Variants in ITPRID2 observed in about 807,000 individuals in gnomAD.
The protein encoded by ITPRID2 is ITPR interacting domain containing 2.
Under a neutral mutation model 124.3 loss-of-function variants are expected in ITPRID2, and 60 were observed. The observed-to-expected ratio is 0.48, with a 90% CI of 0.39 to 0.60. ITPRID2 has a LOEUF of 0.60. Ranked by LOEUF, ITPRID2 falls within the 20% of genes least tolerant of loss-of-function variation. The pLI is 0.00. For missense variants in ITPRID2, 1,553 were observed against 1,512.2 expected (o/e 1.03, Z -0.45); for synonymous variants, 521 against 542.9 (o/e 0.96, Z 0.56).
chr2:181,923,560 A>G (rs1244955704), intron 16 of ITPRID2, among the ~76,000 whole-genome samples: 3 of 152,194 alleles, frequency 2.0e-5, no homozygotes, highest in East Asian at 1.9e-4. Flanking sequence ...AGGTGTGTCT[A>G]TGATTAATAA....
chr2:181,914,027 A>G (rs1010139769), intron 10 of ITPRID2, 94 bp downstream of exon 10: 8 of 763,668 alleles, frequency 1.0e-5, no homozygotes, highest in Non-Finnish European at 1.6e-5. Context: ...AGTCTGTATA[A>G]TCTTTATTTT....
chr2:181,913,957 C>T, intron 10 of ITPRID2, 24 bp downstream of exon 10: 1 of 1,505,672 alleles, frequency 6.6e-7, no homozygotes, highest in South Asian at 1.1e-5. Flanking sequence ...TTCTAATAGG[C>T]ACTATGATTA....
intron 4 of ITPRID2, among the ~76,000 whole-genome samples, chr2:181,897,493 A>G (rs999431244): frequency 1.3e-5 from 2 of 152,016 alleles, no homozygotes; most frequent in Admixed American, 1.3e-4. Context: ...TCCAGAAAGC[A>G]TTAGATTTTA....
chr2:181,911,196 A>G (rs184531908), intron 9 of ITPRID2, among the ~76,000 whole-genome samples: 1 of 152,308 alleles, frequency 6.6e-6, no homozygotes, highest in Non-Finnish European at 1.5e-5. Context: ...AGAGAACAAC[A>G]TAGTTTTCAT....
chr2:181,918,422 C>T (rs1694240450), intron 11 of ITPRID2, 176 bp from the exon 12 acceptor site: 1 of 1,437,300 alleles, frequency 7.0e-7, no homozygotes, highest in East Asian at 2.5e-5. Flanking sequence ...GCTAGCAGTA[C>T]TAGGTGTCAT....
At chr2:181,912,599 T>C (rs1040049585) in intron 9 of ITPRID2, among the ~76,000 whole-genome samples, 3 of 152,244 alleles carry the variant, frequency 2.0e-5, no homozygotes, top group Non-Finnish European at 2.9e-5. Flanking sequence ...AATTATATTA[T>C]CTGGCTCTTT....
Position 181,892,331 on chromosome 2 carries a change from C to T in ITPRID2, c.211+54C>T. On this transcript the variant is annotated intron_variant, in intron 1 of 17. Coordinates refer to ENST00000431877, the MANE Select transcript of ITPRID2 (RefSeq NM_001130445.3). This position sits in a 1 kb window ranked among gnomAD's most constrained non-coding sequence, Gnocchi z 5.2. ...GAGGCTGGTGGGCTGGGGAGAGTCTCGTGCGCCCTGGGCGCCTGCCACGAG... is the reference window on the plus strand; with the variant it reads ...GAGGCTGGTGGGCTGGGGAGAGTCTTGTGCGCCCTGGGCGCCTGCCACGAG... The T allele has an allele frequency of 2.7e-6, 4 of 1,486,116 alleles. No homozygotes were observed. The highest frequency in any genetic ancestry group is 2.7e-6 in the Non-Finnish European group (3 of 1,115,248). 92.1% of individuals were successfully genotyped at this position (1,486,116 alleles called of 1,614,324 possible).
intron 4 of ITPRID2, among the ~76,000 whole-genome samples, chr2:181,897,213 A>C (rs1451195866): frequency 6.6e-6 from 1 of 152,014 alleles, no homozygotes; most frequent in African/African-American, 2.4e-5. Flanking sequence ...TTAAAGGAAC[A>C]GTTTGTAACA....
At chr2:181,906,751 TAA>T (rs879772461) in intron 8 of ITPRID2, among the ~76,000 whole-genome samples, 2 of 135,212 alleles carry the variant, frequency 1.5e-5, no homozygotes, top group African/African-American at 2.8e-5. Context: ...AAAAATGAAA[TAA>T]AAAAAAAAAA....
chr2:181,922,307 T>C lies in ITPRID2; in HGVS notation c.3570T>C (p.Pro1190=), dbSNP rs1423151531. Residue 1190 remains proline, a synonymous_variant, in exon 16 of 18, where the codon CCT becomes CCC. Coordinates refer to ENST00000431877, the MANE Select transcript of ITPRID2 (RefSeq NM_001130445.3). ...AAEGAPEVVG[P]KSEVEEGHGK... ...AAGGAGCCCCAGAAGTTGTAGGACC[T>C]AAATCTGAAGTGGAAGAAGGGCATG... 1.2e-6 allele frequency: 2 copies of C among 1,614,184 alleles called. No individual in the cohort carries two copies. The highest frequency in any genetic ancestry group is 2.2e-5 in the South Asian group (2 of 91,088).
chr2:181,892,987 A>G lies in ITPRID2; in HGVS notation c.257+327A>G. The G allele has an allele frequency of 9.4e-6, 4 of 424,688 alleles. No individual in the cohort carries two copies. The highest frequency in any genetic ancestry group is 3.8e-5 in the East Asian group (1 of 26,086). 26.3% of individuals were successfully genotyped at this position (424,688 alleles called of 1,614,324 possible). A position where few individuals can be genotyped will look rare whatever the true frequency, so the allele number is the denominator to read the frequency against. ...AAAGAATTCTCACATCTCGAACAGG[A>G]TATTTTGTTTTGCTTTAGTTTTGGC... On this transcript the variant is annotated intron_variant, in intron 2 of 17. Coordinates refer to ENST00000431877, the MANE Select transcript of ITPRID2 (RefSeq NM_001130445.3). This position sits in a 1 kb window ranked among gnomAD's most constrained non-coding sequence, Gnocchi z 5.2.
chr2:181,913,684 A>G (rs564774707), intron 9 of ITPRID2, among the ~76,000 whole-genome samples, 161 bp from the exon 10 acceptor site: 3 of 152,338 alleles, frequency 2.0e-5, no homozygotes, highest in Non-Finnish European at 2.9e-5. Flanking sequence ...ATAATTTTGC[A>G]TAAGTAATGC....
intron 17 of ITPRID2, 97 bp from the exon 18 acceptor site, chr2:181,929,464 A>T (rs1695121140): frequency 1.4e-6 from 1 of 721,744 alleles, no homozygotes. Flanking sequence ...GTTTCTGTGT[A>T]TATATATTTG....
At position 181,913,448 on chromosome 2, in the gene ITPRID2, T is replaced by A. The variant is rs573923146; in HGVS notation, c.1487-397T>A. On this transcript the variant is annotated intron_variant, in intron 9 of 17. Transcript: ENST00000431877. ...TATATGAACTTCTAAATTTACCTCC[T>A]AAATATCTTTACATATTTACATAAT... Among the ~76,000 whole-genome samples the A allele has an allele frequency of 3.3e-5, 5 of 152,366 alleles. No individual in the cohort carries two copies. In the South Asian group the frequency reaches 1.0e-3, roughly 32 times the overall value.
chr2:181,929,512 A>G (rs1695123941), intron 17 of ITPRID2, 49 bp from the exon 18 acceptor site: 1 of 1,281,642 alleles, frequency 7.8e-7, no homozygotes, highest in African/African-American at 1.5e-5. Flanking sequence ...AGCTTTTAAT[A>G]ACAGTATTTG....
chr2:181,900,830 G>A lies in ITPRID2; in HGVS notation c.638G>A (p.Gly213Glu), dbSNP rs1692601339. The change falls in exon 7 of 18, where the codon GGG becomes GAG. Residue 213 changes from glycine (G) to glutamate (E), a missense_variant. By Grantham distance (98) the Gly-to-Glu change is moderately conservative. Coordinates refer to ENST00000431877, the MANE Select transcript of ITPRID2 (RefSeq NM_001130445.3). ...TTTAATTCATCATCCTTTGCCAAAGGGATAGATATTAAAGTATTTTTGAGT... is the reference window on the plus strand; with the variant it reads ...TTTAATTCATCATCCTTTGCCAAAGAGATAGATATTAAAGTATTTTTGAGT... ...RFFNSSSFAK[G>E]IDIKVFLSAQ... The A allele has an allele frequency of 6.2e-7, 1 of 1,613,160 alleles. No individual in the cohort carries two copies. The highest frequency in any genetic ancestry group is 8.5e-7 in the Non-Finnish European group (1 of 1,179,596).
rs1308017267 is a variant in ITPRID2 at position 181,892,080 on chromosome 2, TGTC to T, written c.22_24del (p.Ser8del). On this transcript the variant is annotated inframe_deletion, in exon 1 of 18. Transcript: ENST00000431877. This position sits in a 1 kb window ranked among gnomAD's most constrained non-coding sequence, Gnocchi z 5.2. ...CCCAGTGCGGCCATGGACCGGCCCC[TGTC>T]GTCGTCGGCGGAGGCGGAGGAGGAA... The T allele has an allele frequency of 4.5e-6, 7 of 1,552,992 alleles. No homozygotes were observed. The highest frequency in any genetic ancestry group is 6.1e-6 in the Non-Finnish European group (7 of 1,149,224).
Position 181,913,885 on chromosome 2 carries a change from T to G in ITPRID2, c.1527T>G (p.Ser509Arg), listed in dbSNP as rs1409717718. 1.2e-6 allele frequency: 2 copies of G among 1,613,540 alleles called. No homozygotes were observed. Among genetic ancestry groups the G allele is most frequent in the Non-Finnish European group, 8.5e-7 (1 of 1,179,760 alleles). The change falls in exon 10 of 18, where the codon AGT becomes AGG. Residue 509 changes from serine (S) to arginine (R), a missense_variant. Physicochemically the swap from Ser to Arg is moderately radical, Grantham distance 110. Transcript: ENST00000431877. ...LRTASQHSDS[S>R]GFAEDSTDCL... ...CTGCAAGTCAGCATTCCGATAGCAG[T>G]GGTTTTGCTGAAGATTCTACAGACT...
intron 6 of ITPRID2, 94 bp from the exon 7 acceptor site, chr2:181,900,602 G>C: frequency 1.0e-5 from 9 of 886,038 alleles, no homozygotes; most frequent in East Asian, 2.6e-5. Context: ...TTTTATCACA[G>C]GAAATCAGTA....
Sources: allele counts gnomAD v4.1 joint callset (sites outside exome capture counted in the v4.1 genomes callset), GRCh38; gene constraint gnomAD v4.1.1; non-coding constraint Gnocchi (gnomAD v3.1); transcripts MANE v1.5; gene names NCBI Gene and HGNC (gene_info 2026-07-23, HGNC 2026-07-21).